The following ITGA11 variants were observed in gnomAD, a reference collection of about 807,000 sequenced individuals.
The protein encoded by ITGA11 is integrin alpha-11.
Under a neutral mutation model 141.9 loss-of-function variants are expected in ITGA11, and 97 were observed. The ratio of observed to expected loss-of-function variants is 0.68; its 90% confidence interval spans 0.58 to 0.81. The LOEUF is 0.81. ITGA11 is among the 30% of genes least tolerant of loss of function. The pLI, the probability that ITGA11 is intolerant of heterozygous loss-of-function variation, is 0.00. For synonymous variants in ITGA11, 658 were observed against 624.6 expected (o/e 1.05, Z -0.80); for missense variants, 1,387 against 1,559.2 (o/e 0.89, Z 1.86).
Position 68,328,391 on chromosome 15 carries a change from T to C in ITGA11, c.1902-129A>G. The C allele has an allele frequency of 5.0e-6, 1 of 200,154 alleles. No individual in the cohort carries two copies. Among genetic ancestry groups the C allele is most frequent in the Non-Finnish European group, 8.6e-6 (1 of 116,864 alleles). The allele number at this position is 200,154 out of a possible 1,614,324, so 12.4% of individuals were successfully genotyped here. On this transcript the variant is annotated intron_variant, in intron 15 of 29. Transcript: ENST00000315757. This position sits in a 1 kb window ranked among gnomAD's most constrained non-coding sequence, Gnocchi z 4.8. ...CCACTGGAGGGGGTGAGGTGGAGGA[T>C]GGAGGGGGCGAGGTGGAGGATGGAG...
rs1418991497 is a variant in ITGA11, at chr15:68,307,561, A to T, written c.3285+25T>A. The T allele has an allele frequency of 6.3e-7, 1 of 1,574,906 alleles. No homozygotes were observed. The highest frequency in any genetic ancestry group is 2.2e-5 in the East Asian group (1 of 44,542). On this transcript the variant is annotated intron_variant, in intron 27 of 29. Transcript: ENST00000315757. This position sits in a 1 kb window ranked among gnomAD's most constrained non-coding sequence, Gnocchi z 6.1. Reference sequence around the variant, plus strand: ...CCGCCCCCTTTCCCTTCTTCCTTCCAGCCCAGCCCAGGGGCTCTACTTACT... The same window carrying T: ...CCGCCCCCTTTCCCTTCTTCCTTCCTGCCCAGCCCAGGGGCTCTACTTACT...
chr15:68,348,293 T>C (rs1894801656), intron 10 of ITGA11, among the ~76,000 whole-genome samples: 1 of 152,082 alleles, frequency 6.6e-6, no homozygotes, highest in East Asian at 1.9e-4. Context: ...GGGGGGGGCC[T>C]ATGAGTCACC....
intron 28 of ITGA11, among the ~76,000 whole-genome samples, chr15:68,306,649 C>T (rs1240231696): frequency 6.6e-6 from 1 of 152,222 alleles, no homozygotes; most frequent in Admixed American, 6.5e-5. Flanking sequence ...GATCCTGATA[C>T]CCCTCTGCCT....
At chr15:68,397,877 C>T (rs1452536148) in intron 2 of ITGA11, among the ~76,000 whole-genome samples, 1 of 146,122 alleles carries the variant, frequency 6.8e-6, no homozygotes, top group Non-Finnish European at 1.5e-5. Context: ...GAATCTTCAA[C>T]CCAGAATTTC....
In ITGA11 at chr15:68,326,914, C is replaced by A. The variant is rs530243382; in HGVS notation, c.2069-118G>T. 3.6e-4 allele frequency: 404 copies of A among 1,124,146 alleles called. No homozygotes were observed. The African/African-American group carries it at 5.5e-3, about 15-fold the overall frequency. 69.6% of individuals were successfully genotyped at this position (1,124,146 alleles called of 1,614,324 possible). A position where few individuals can be genotyped will look rare whatever the true frequency, so the allele number is the denominator to read the frequency against. ...GGGGAGAGCTGTTCCTTTCCTCTCA[C>A]GAGCCCCAGTGTGGGTGAGAAACTC... On this transcript the variant is annotated intron_variant, in intron 16 of 29. Transcript: ENST00000315757. The surrounding 1 kb of genome is among the most constrained non-coding windows in gnomAD (Gnocchi z 6.8).
At position 68,311,051 on chromosome 15, in the gene ITGA11, A is replaced by G. The variant is rs376190131; in HGVS notation, c.3117T>C (p.Asn1039=). The G allele has an allele frequency of 9.3e-6, 15 of 1,607,966 alleles. No individual in the cohort carries two copies. The highest frequency in any genetic ancestry group is 5.3e-5 in the African/African-American group (4 of 74,780). ...CTGGGGTGGGCCGGTACTCAGTGCT[A>G]TTGCCCCAGATGTTACAGGACGTGT... is the stretch of plus-strand genomic sequence containing the variant. The part of the protein sequence containing the change: ...EANTSCNIWG[N]STEYRPTPVE... Residue 1039 remains asparagine (N), a synonymous_variant, in exon 26 of 30, where the codon AAT becomes AAC. Transcript: ENST00000315757.
chr15:68,380,505 C>T (rs1241330655), intron 2 of ITGA11, among the ~76,000 whole-genome samples: 1 of 152,080 alleles, frequency 6.6e-6, no homozygotes, highest in Non-Finnish European at 1.5e-5. Context: ...AGACTTATAC[C>T]CGATGAATTT....
intron 1 of ITGA11, among the ~76,000 whole-genome samples, chr15:68,420,656 T>G (rs898592): frequency 0.63 from 94,995 of 150,354 alleles, 31,290 homozygotes; most frequent in Non-Finnish European, 0.75. Context: ...TTCTAGCAAC[T>G]GTGGCAGGCG....
At chr15:68,377,168 G>A (rs764203650) in intron 2 of ITGA11, among the ~76,000 whole-genome samples, 1 of 151,990 alleles carries the variant, frequency 6.6e-6, no homozygotes, top group African/African-American at 2.4e-5. Flanking sequence ...CCTTTAATTG[G>A]TTCAAAAAAT....
intron 2 of ITGA11, among the ~76,000 whole-genome samples, chr15:68,383,052 A>C (rs1895900845): frequency 6.6e-6 from 1 of 152,164 alleles, no homozygotes; most frequent in African/African-American, 2.4e-5. Context: ...CAGGCGGATC[A>C]CAAGGTCAGG....
chr15:68,302,283 A>G lies in ITGA11; in HGVS notation c.*776T>C, dbSNP rs1409524069. 1 of 152,280 alleles carries G rather than the reference A, an allele frequency of 6.6e-6. No homozygotes were observed. 9.4% of individuals were successfully genotyped at this position (152,280 alleles called of 1,614,324 possible). On this transcript the variant is annotated 3_prime_UTR_variant, in exon 30 of 30. Coordinates refer to ENST00000315757, the MANE Select transcript of ITGA11 (RefSeq NM_001004439.2). ...CATGCTTCCCATGAGGTACCTGGGA[A>G]CAAAAGTGACCCGGGAGGGTTGGCA... is the stretch of plus-strand genomic sequence containing the variant.
At chr15:68,431,694 A>T (rs576701936) in intron 1 of ITGA11, among the ~76,000 whole-genome samples, 4 of 152,188 alleles carry the variant, frequency 2.6e-5, no homozygotes, top group Non-Finnish European at 5.9e-5. Context: ...GCCGTGCGGG[A>T]ACCCCGGCAT....
intron 10 of ITGA11, among the ~76,000 whole-genome samples, chr15:68,344,710 T>C (rs1595869384): frequency 6.6e-6 from 1 of 152,210 alleles, no homozygotes; most frequent in Non-Finnish European, 1.5e-5. Context: ...TCAGCTGAAC[T>C]TGACCTGCTT....
chr15:68,387,966 TC>T (rs1156513881), intron 2 of ITGA11, among the ~76,000 whole-genome samples: 1 of 152,144 alleles, frequency 6.6e-6, no homozygotes, highest in Non-Finnish European at 1.5e-5. Context: ...AATGGAGCTC[TC>T]CTGATGCACA....
At chr15:68,337,434 C>T (rs1295949374) in intron 11 of ITGA11, among the ~76,000 whole-genome samples, 1 of 152,162 alleles carries the variant, frequency 6.6e-6, no homozygotes, top group African/African-American at 2.4e-5. Context: ...GGCTCCTCTC[C>T]CTTGAAACAC....
At position 68,304,790 on chromosome 15, in the gene ITGA11, G is replaced by A. The variant is rs898010728; in HGVS notation, c.3382-905C>T. ...CCGCGCTGCTCAGGCCAGAAGCCATGTATCCATCACTGACCCTAACTCTCA... is the reference window on the plus strand; with the variant it reads ...CCGCGCTGCTCAGGCCAGAAGCCATATATCCATCACTGACCCTAACTCTCA... On this transcript the variant is annotated intron_variant, in intron 28 of 29. Transcript: ENST00000315757. This position sits in a 1 kb window ranked among gnomAD's most constrained non-coding sequence, Gnocchi z 6.1. 2.0e-5 allele frequency among the ~76,000 whole-genome samples: 3 copies of A among 152,166 alleles called. No individual in the cohort carries two copies. The highest frequency in any genetic ancestry group is 6.5e-5 in the Admixed American group (1 of 15,288).
At chr15:68,331,203 G>A in intron 14 of ITGA11, 92 bp from the exon 15 acceptor site, 1 of 1,240,496 alleles carries the variant, frequency 8.1e-7, no homozygotes, top group Non-Finnish European at 1.1e-6. Context: ...GGAACAATAG[G>A]GAGCCTGTGT....
chr15:68,350,453 G>A (rs547888716), intron 9 of ITGA11, among the ~76,000 whole-genome samples, 164 bp downstream of exon 9: 45 of 152,254 alleles, frequency 3.0e-4, no homozygotes, highest in African/African-American at 1.1e-3. Flanking sequence ...GCCTCCCAAA[G>A]TGCTGGGGTT....
chr15:68,402,907 C>T lies in ITGA11; in HGVS notation c.164+11G>A, dbSNP rs961067481. 7.5e-5 allele frequency: 120 copies of T among 1,596,328 alleles called. No individual in the cohort carries two copies. The highest frequency in any genetic ancestry group is 9.7e-5 in the Non-Finnish European group (113 of 1,165,490). ...GTACAGGGCTGGGTGTGGGCGGCCG[C>T]TCTCACTCACCACTTATTGCCACTG... is the stretch of plus-strand genomic sequence containing the variant. On this transcript the variant is annotated intron_variant, in intron 2 of 29. Coordinates refer to ENST00000315757, the MANE Select transcript of ITGA11 (RefSeq NM_001004439.2).
Sources: gnomAD v4.1 joint callset for allele counts (sites outside exome capture counted in the v4.1 genomes callset) on GRCh38, gnomAD v4.1.1 for gene constraint, Gnocchi (gnomAD v3.1) non-coding constraint, MANE v1.5 for transcripts, NCBI Gene and HGNC (gene_info 2026-07-23, HGNC 2026-07-21) for gene names.